Variants in NBEA observed in about 807,000 individuals in gnomAD.
NBEA encodes lysosomal-trafficking regulator 2.
Under a neutral mutation model 343.4 loss-of-function variants are expected in NBEA, and 44 were observed. The ratio of observed to expected loss-of-function variants is 0.13; its 90% CI spans 0.10 to 0.16. The LOEUF (loss-of-function observed/expected upper bound fraction) is 0.16, where lower values mean the gene tolerates loss of function less well. Ranked by LOEUF, NBEA falls within the 10% of genes least tolerant of loss-of-function variation. The pLI is 1.00. For missense variants in NBEA, 2,555 were observed against 3,631.3 expected (o/e 0.70, Z 7.62); for synonymous variants, 1,175 against 1,238.7 (o/e 0.95, Z 1.08).
intron 36 of NBEA, among the ~76,000 whole-genome samples, chr13:35,338,332 G>C (rs2039387570): frequency 6.6e-6 from 1 of 151,998 alleles, no homozygotes; most frequent in Non-Finnish European, 1.5e-5. Context: ...AAACCATTGT[G>C]TCAATACTAG....
chr13:35,248,485 C>T (rs1374398873), intron 34 of NBEA, among the ~76,000 whole-genome samples: 1 of 152,084 alleles, frequency 6.6e-6, no homozygotes, highest in East Asian at 1.9e-4. Context: ...CTCACAGGAC[C>T]GATTTTAAAA....
intron 44 of NBEA, among the ~76,000 whole-genome samples, chr13:35,558,727 T>C (rs1056374983): frequency 1.3e-5 from 2 of 152,202 alleles, no homozygotes; most frequent in African/African-American, 4.8e-5. Context: ...TAGTTGGTTC[T>C]GATACAAAAA....
intron 1 of NBEA, among the ~76,000 whole-genome samples, chr13:35,017,303 A>T (rs1028870211): frequency 9.2e-5 from 14 of 152,156 alleles, no homozygotes; most frequent in African/African-American, 3.4e-4. Flanking sequence ...GCATAAACCT[A>T]TGTTTTCATT....
At chr13:35,419,450 C>A (rs1242828992) in intron 38 of NBEA, among the ~76,000 whole-genome samples, 1 of 152,036 alleles carries the variant, frequency 6.6e-6, no homozygotes, top group African/African-American at 2.4e-5. Flanking sequence ...GCACATCATA[C>A]CATCACCTTG....
intron 41 of NBEA, among the ~76,000 whole-genome samples, chr13:35,518,040 A>ATT (rs758409230): frequency 2.6e-5 from 4 of 152,144 alleles, no homozygotes; most frequent in Non-Finnish European, 5.9e-5. Flanking sequence ...CCTAATTTAC[A>ATT]TTTATACATT....
chr13:35,084,766 A>G (rs2064639969), intron 10 of NBEA, among the ~76,000 whole-genome samples: 1 of 152,106 alleles, frequency 6.6e-6, no homozygotes, highest in Admixed American at 6.6e-5. Flanking sequence ...GACACAAAAA[A>G]CCCTTCAAAA....
chr13:35,455,858 C>A (rs1465258976), intron 40 of NBEA, among the ~76,000 whole-genome samples: 1 of 151,926 alleles, frequency 6.6e-6, no homozygotes, highest in East Asian at 1.9e-4. Flanking sequence ...CTTGCAAATA[C>A]ATAGTATATG....
At chr13:35,338,544 G>A (rs1221635880) in intron 36 of NBEA, among the ~76,000 whole-genome samples, 3 of 152,016 alleles carry the variant, frequency 2.0e-5, no homozygotes, top group Non-Finnish European at 4.4e-5. Context: ...AGACGAAAGA[G>A]AATCAACAGC....
intron 47 of NBEA, among the ~76,000 whole-genome samples, chr13:35,598,121 C>T (rs2081890818): frequency 6.6e-6 from 1 of 152,196 alleles, no homozygotes; most frequent in South Asian, 2.1e-4. Flanking sequence ...CACAGCAATT[C>T]CTAATTTGGA....
intron 18 of NBEA, among the ~76,000 whole-genome samples, chr13:35,146,795 A>G (rs1381169409): frequency 6.6e-6 from 1 of 152,104 alleles, no homozygotes; most frequent in Non-Finnish European, 1.5e-5. Context: ...TTGCCATGCT[A>G]GGTCCTTTCA....
intron 38 of NBEA, among the ~76,000 whole-genome samples, chr13:35,360,428 G>A (rs2040744443): frequency 6.6e-6 from 1 of 151,932 alleles, no homozygotes; most frequent in African/African-American, 2.4e-5. Flanking sequence ...ACATGATCCA[G>A]TGTACTACAA....
intron 36 of NBEA, among the ~76,000 whole-genome samples, chr13:35,313,569 A>G (rs1280907093): frequency 2.6e-5 from 4 of 152,216 alleles, no homozygotes; most frequent in Non-Finnish European, 5.9e-5. Context: ...CAAGGAGGTC[A>G]TGATGATCTC....
chr13:34,961,078 A>T (rs950618611), intron 1 of NBEA, among the ~76,000 whole-genome samples: 2 of 152,046 alleles, frequency 1.3e-5, no homozygotes, highest in African/African-American at 4.8e-5. Flanking sequence ...AATTCCAACG[A>T]AAGAATGGTT....
chr13:35,459,015 C>CA (rs1555270504), intron 40 of NBEA, among the ~76,000 whole-genome samples: 1,643 of 104,924 alleles, frequency 0.016, 41 homozygotes, highest in African/African-American at 0.019. Flanking sequence ...GCCCCCCCCC[C>CA]CCCACACACA....
At chr13:35,348,674 A>G (rs556015812) in intron 36 of NBEA, among the ~76,000 whole-genome samples, 1 of 152,158 alleles carries the variant, frequency 6.6e-6, no homozygotes, top group African/African-American at 2.4e-5. Context: ...TGGGCATCCT[A>G]TATTTTTAAA....
chr13:35,252,602 G>T (rs1190253698), intron 34 of NBEA, among the ~76,000 whole-genome samples: 2 of 152,154 alleles, frequency 1.3e-5, no homozygotes, highest in Non-Finnish European at 2.9e-5. Context: ...TGTCCTTGAT[G>T]GTTGATTAAA....
chr13:35,095,427 G>C (rs985131813), intron 10 of NBEA, among the ~76,000 whole-genome samples: 17 of 151,544 alleles, frequency 1.1e-4, no homozygotes, highest in Non-Finnish European at 1.9e-4. Flanking sequence ...AGGCCAAAAA[G>C]CTCTGGAGAA....
intron 41 of NBEA, among the ~76,000 whole-genome samples, chr13:35,544,885 G>A (rs1011190662): frequency 6.6e-6 from 1 of 152,152 alleles, no homozygotes; most frequent in South Asian, 2.1e-4. Flanking sequence ...AATGAAACTG[G>A]ATGGGATAGT....
intron 34 of NBEA, among the ~76,000 whole-genome samples, chr13:35,282,864 C>T (rs184399111): frequency 7.9e-5 from 12 of 152,098 alleles, no homozygotes; most frequent in Admixed American, 2.0e-4. Flanking sequence ...TCCTTGAGAC[C>T]GAAGACTGTA....
Sources: allele counts gnomAD v4.1 joint callset (sites outside exome capture counted in the v4.1 genomes callset), GRCh38; gene constraint gnomAD v4.1.1; transcripts MANE v1.5; gene names NCBI Gene and HGNC (gene_info 2026-07-23, HGNC 2026-07-21).